The following LRP1B variants were observed in gnomAD, a reference collection of about 807,000 sequenced individuals.
LRP1B encodes LDL receptor related protein 1B.
In LRP1B, 217 loss-of-function variants were observed where a neutral mutation model predicts 556.6. That is an observed-to-expected ratio of 0.39 (90% CI 0.35 to 0.44). LRP1B has a LOEUF of 0.44. Ranked by LOEUF, LRP1B falls within the 20% of genes least tolerant of loss-of-function variation. The pLI is 1.00. For synonymous variants in LRP1B, 2,047 were observed against 1,865.8 expected, an observed-to-expected ratio of 1.10 and a Z score of -2.50; for missense variants, 5,053 against 5,620.8, an observed-to-expected ratio of 0.90 and a Z score of 3.23.
At chr2:140,558,710 G>A (rs563308727) in intron 43 of LRP1B, among the ~76,000 whole-genome samples, 4 of 151,968 alleles carry the variant, frequency 2.6e-5, no homozygotes, top group Non-Finnish European at 5.9e-5. Context: ...AGGCCAAGGC[G>A]AGGGGATCAC....
At position 140,629,018 on chromosome 2, in the gene LRP1B, T is replaced by G. The variant is rs527793485; in HGVS notation, c.6800-27379A>C. 1.1e-4 allele frequency among the ~76,000 whole-genome samples: 16 copies of G among 152,116 alleles called. No individual in the cohort carries two copies. The South Asian group carries it at 3.3e-3, about 32-fold the overall frequency. On this transcript the variant is annotated intron_variant, in intron 41 of 90. Coordinates refer to ENST00000389484, the MANE Select transcript of LRP1B (RefSeq NM_018557.3). ...TGCAGAACTTTAAACCAACTATACC[T>G]TCTTTCTTTACAAATTACCCAGTCT...
At chr2:141,816,986 C>A (rs1276331741) in intron 1 of LRP1B, among the ~76,000 whole-genome samples, 2 of 151,974 alleles carry the variant, frequency 1.3e-5, no homozygotes, top group African/African-American at 2.4e-5. Flanking sequence ...ATTTTTCAAC[C>A]AGATATTCCA....
chr2:141,284,820 T>C (rs1338082153), intron 3 of LRP1B, among the ~76,000 whole-genome samples: 4 of 152,220 alleles, frequency 2.6e-5, no homozygotes. Context: ...GATCTACATG[T>C]GAATCCTTGT....
In LRP1B at chr2:140,350,844, T is replaced by C; in HGVS notation, c.11845A>G (p.Lys3949Glu). Residue 3949 changes from lysine (K) to glutamate (E), a missense_variant, in exon 77 of 91, where the codon AAA becomes GAA. Coordinates refer to ENST00000389484, the MANE Select transcript of LRP1B (RefSeq NM_018557.3). ...TQFNPGGIFYKRIHGREKRQA... is the reference protein window; with the variant it reads ...TQFNPGGIFYERIHGREKRQA... ...CTTTTTTCTCTGCCATGGATCCTTT[T>C]GTAGAAAATTCCGCCTGGATTAAAC... 1 of 1,611,500 alleles carries C rather than the reference T, an allele frequency of 6.2e-7. No homozygotes were observed.
intron 1 of LRP1B, among the ~76,000 whole-genome samples, chr2:142,007,986 T>C (rs1421364045): frequency 2.6e-5 from 4 of 152,218 alleles, no homozygotes; most frequent in African/African-American, 9.6e-5. Context: ...GTCACCTTTA[T>C]AGTTTCCTGA....
intron 7 of LRP1B, among the ~76,000 whole-genome samples, chr2:141,175,151 C>A (rs1217861395): frequency 6.6e-6 from 1 of 152,008 alleles, no homozygotes; most frequent in Non-Finnish European, 1.5e-5. Flanking sequence ...ATGAGATGAT[C>A]TGAAAATGGA....
In LRP1B at chr2:140,231,475, T is replaced by C. The variant is rs1030637527; in HGVS notation, c.*1711A>G. On this transcript the variant is annotated 3_prime_UTR_variant, in exon 91 of 91. Transcript: ENST00000389484. ...AGTCAGTCAACAATTTTTTATAAAG[T>C]ATTTAACACTTCATTGTAGAAACAT... The C allele has an allele frequency of 3.3e-5, 5 of 151,798 alleles. No individual in the cohort carries two copies. The highest frequency in any genetic ancestry group is 1.2e-4 in the African/African-American group (5 of 41,344). 9.4% of individuals were successfully genotyped at this position (151,798 alleles called of 1,614,324 possible).
At chr2:140,529,756 T>C (rs528332871) in intron 47 of LRP1B, among the ~76,000 whole-genome samples, 4 of 152,164 alleles carry the variant, frequency 2.6e-5, no homozygotes, top group Non-Finnish European at 4.4e-5. Flanking sequence ...GGGAGCAGTC[T>C]GTACTCATCT....
chr2:141,598,993 C>A (rs1001064674), intron 2 of LRP1B, among the ~76,000 whole-genome samples: 1 of 145,092 alleles, frequency 6.9e-6, no homozygotes, highest in African/African-American at 2.6e-5. Context: ...CAAAAGGAAG[C>A]CAAGTCTATA....
chr2:142,126,840 G>T (rs1251252480), intron 1 of LRP1B, among the ~76,000 whole-genome samples: 1 of 151,822 alleles, frequency 6.6e-6, no homozygotes, highest in Admixed American at 6.6e-5. Context: ...CCTTGTAGAA[G>T]ACCAAGTCCT....
In LRP1B at chr2:140,239,713, A is replaced by C. The variant is rs115319800; in HGVS notation, c.13325-181T>G. Among the ~76,000 whole-genome samples the C allele has an allele frequency of 4.6e-3, 700 of 150,996 alleles. 3 individuals carry two copies. Among genetic ancestry groups the C allele is most frequent in the Non-Finnish European group, 7.6e-3 (512 of 67,228 alleles). On this transcript the variant is annotated intron_variant, in intron 87 of 90. Coordinates refer to ENST00000389484, the MANE Select transcript of LRP1B (RefSeq NM_018557.3). ...AAATCATTCTTCTCTTAAACACTTG[A>C]TCTGATGGAAATGTTTCCTTAGATA...
At chr2:141,787,112 AAAC>A (rs1695453657) in intron 2 of LRP1B, among the ~76,000 whole-genome samples, 1 of 152,038 alleles carries the variant, frequency 6.6e-6, no homozygotes, top group East Asian at 1.9e-4. Flanking sequence ...TAAAGATGCA[AAAC>A]AACTGGAACT....
At chr2:141,696,536 AG>A (rs1691738593) in intron 2 of LRP1B, among the ~76,000 whole-genome samples, 1 of 151,988 alleles carries the variant, frequency 6.6e-6, no homozygotes, top group South Asian at 2.1e-4. Flanking sequence ...AATTATTAAC[AG>A]GGGTGCAACT....
At chr2:141,369,090 A>C (rs530980192) in intron 3 of LRP1B, among the ~76,000 whole-genome samples, 49 of 152,302 alleles carry the variant, frequency 3.2e-4, no homozygotes, top group African/African-American at 1.2e-3. Flanking sequence ...AGTATCATTT[A>C]GGAAGCATAA....
intron 1 of LRP1B, among the ~76,000 whole-genome samples, chr2:141,957,710 A>T (rs1255136645): frequency 1.3e-5 from 2 of 151,984 alleles, no homozygotes; most frequent in Non-Finnish European, 2.9e-5. Flanking sequence ...ATTGGAATTA[A>T]TCGACAACAT....
chr2:140,683,594 T>C, intron 41 of LRP1B: 1 of 693,156 alleles, frequency 1.4e-6, no homozygotes. Context: ...TGCCAGGCTG[T>C]TCCTTGGGTG....
chr2:141,799,137 C>T (rs180774479), intron 2 of LRP1B, among the ~76,000 whole-genome samples: 8 of 152,194 alleles, frequency 5.3e-5, no homozygotes, highest in African/African-American at 1.4e-4. Context: ...AGGCAGCCCG[C>T]GCAGACGAAT....
intron 2 of LRP1B, among the ~76,000 whole-genome samples, chr2:141,801,442 C>A (rs905302410): frequency 1.3e-5 from 2 of 152,076 alleles, no homozygotes; most frequent in African/African-American, 4.8e-5. Flanking sequence ...GGTTGAACCA[C>A]TGCACCTGGC....
intron 1 of LRP1B, among the ~76,000 whole-genome samples, chr2:142,020,333 G>A (rs181050229): frequency 1.7e-3 from 257 of 152,224 alleles, no homozygotes; most frequent in African/African-American, 5.9e-3. Flanking sequence ...CTCAGACCCC[G>A]GAGTACACAG....
Sources: allele counts gnomAD v4.1 joint callset (sites outside exome capture counted in the v4.1 genomes callset), GRCh38; gene constraint gnomAD v4.1.1; transcripts MANE v1.5; gene names NCBI Gene and HGNC (gene_info 2026-07-23, HGNC 2026-07-21).